SLC2A3: variants seen among roughly 807,000 people sequenced by gnomAD.
The protein encoded by SLC2A3 is solute carrier family 2 member 3.
Under a neutral mutation model 46.4 loss-of-function variants are expected in SLC2A3, and 21 were observed. The observed-to-expected ratio is 0.45, with a 90% CI of 0.32 to 0.65. SLC2A3 has a LOEUF of 0.65. Ranked by LOEUF, SLC2A3 falls within the 30% of genes least tolerant of loss-of-function variation. The pLI is 0.04. For synonymous variants in SLC2A3, 213 were observed against 239.4 expected (o/e 0.89, Z 1.02); for missense variants, 499 against 623.3 (o/e 0.80, Z 2.12).
In SLC2A3 at chr12:7,926,194, C is replaced by T. The variant is rs935509698; in HGVS notation, c.862-246G>A. ...GCTACCTCCACCTCCCAGATTCAAG[C>T]GATTCTCCTGCCTCAGCCTCCTGAG... is the stretch of plus-strand genomic sequence containing the variant. On this transcript the variant is annotated intron_variant, in intron 6 of 9. Transcript: ENST00000075120. Among the ~76,000 whole-genome samples the T allele has an allele frequency of 5.3e-5, 8 of 152,086 alleles. No homozygotes were observed. The East Asian group carries it at 5.8e-4, about 11-fold the overall frequency.
At chr12:7,933,488 G>A (rs796745195) in intron 2 of SLC2A3, 31 of 458,202 alleles carry the variant, frequency 6.8e-5, no homozygotes, top group Admixed American at 2.6e-4. Context: ...CCAGCGTTCC[G>A]GGAGTAAGTG....
intron 2 of SLC2A3, 96 bp from the exon 3 acceptor site, chr12:7,933,243 G>A (rs752282580): frequency 1.5e-6 from 2 of 1,341,096 alleles, no homozygotes; most frequent in Non-Finnish European, 2.1e-6. Context: ...AGAGAATCAA[G>A]GGAATAAATA....
chr12:7,923,193 G>A (rs1946056984), intron 8 of SLC2A3, 169 bp from the exon 9 acceptor site: 2 of 711,340 alleles, frequency 2.8e-6, no homozygotes, highest in South Asian at 2.0e-5. Flanking sequence ...TTTTGAGACA[G>A]GGTCTTACTC....
intron 9 of SLC2A3, among the ~76,000 whole-genome samples, chr12:7,922,485 G>A (rs1288792267): frequency 6.6e-6 from 1 of 152,214 alleles, no homozygotes; most frequent in South Asian, 2.1e-4. Flanking sequence ...TTTAGGGATG[G>A]AGTCTTGCTT....
rs1946026018 is a variant in SLC2A3 at position 7,920,538 on chromosome 12, A to G, written c.*875T>C. 1 of 152,144 alleles carries G rather than the reference A, an allele frequency of 6.6e-6. No homozygotes were observed. The allele number at this position is 152,144 out of a possible 1,614,324, so 9.4% of individuals were successfully genotyped here. On this transcript the variant is annotated 3_prime_UTR_variant, in exon 10 of 10. Coordinates refer to ENST00000075120, the MANE Select transcript of SLC2A3 (RefSeq NM_006931.3). ...CATGTAAACTATTATCTTAAAGAAA[A>G]AAGCTCCAAAGGAAATCAGTAGCTT...
rs1269936999 is a variant in SLC2A3, at chr12:7,929,719, G to A, written c.826C>T (p.Leu276Phe). ...CCAGAGAGCTGCTGAGAGAGCTGGA[G>A]CACAATGGAAATGATGATGGGCTGT... The part of the protein sequence containing the change: ...YRQPIIISIV[L>F]QLSQQLSGIN... Residue 276 changes from leucine to phenylalanine, a missense_variant, in exon 6 of 10, where the codon CTC becomes TTC. Physicochemically the swap from Leu to Phe is conservative, Grantham distance 22 (BLOSUM62 0). This residue lies in a region of SLC2A3 where 65 missense variants were observed against 88.4 expected (regional missense o/e 0.74). Transcript: ENST00000075120. The A allele has an allele frequency of 2.5e-6, 4 of 1,613,388 alleles. No individual in the cohort carries two copies. The highest frequency in any genetic ancestry group is 3.4e-6 in the Non-Finnish European group (4 of 1,179,582).
intron 7 of SLC2A3, 38 bp downstream of exon 7, chr12:7,925,803 ATTC>A (rs1221542966): frequency 6.9e-7 from 1 of 1,455,366 alleles, no homozygotes; most frequent in Non-Finnish European, 9.6e-7. Flanking sequence ...TGTAGCAAGG[ATTC>A]TTTTCTCCCC....
At chr12:7,925,357 G>T (rs1946083433) in intron 7 of SLC2A3, 1 of 153,306 alleles carries the variant, frequency 6.5e-6, no homozygotes. Context: ...CTGGCATCAG[G>T]AGTGGGGGGC....
chr12:7,921,152 CA>C lies in SLC2A3; in HGVS notation c.*260del. ...AAAAGCTGGCAAAGTTGTCATGTGC[CA>C]AGCGGCCAATCCCTCCTGAAATGAA... is the stretch of plus-strand genomic sequence containing the variant. On this transcript the variant is annotated 3_prime_UTR_variant, in exon 10 of 10. Transcript: ENST00000075120. 4.0e-6 allele frequency: 3 copies of C among 742,742 alleles called. No individual in the cohort carries two copies. The highest frequency in any genetic ancestry group is 3.1e-5 in the South Asian group (2 of 64,732). The allele number at this position is 742,742 out of a possible 1,614,324, so 46.0% of individuals were successfully genotyped here.
In SLC2A3 at chr12:7,929,649, T is replaced by G. The variant is rs376662813; in HGVS notation, c.861+35A>C. 2.0e-4 allele frequency: 317 copies of G among 1,591,018 alleles called. 2 individuals are homozygous for G. Among genetic ancestry groups the G allele is most frequent in the East Asian group, 4.0e-4 (17 of 42,980 alleles). ...TGCCCGGCATTTTAAGTGAAATACTTTAAGACACGTTTGACCCTAAAGTAT... is the reference window on the plus strand; with the variant it reads ...TGCCCGGCATTTTAAGTGAAATACTGTAAGACACGTTTGACCCTAAAGTAT... On this transcript the variant is annotated intron_variant, in intron 6 of 9. Coordinates refer to ENST00000075120, the MANE Select transcript of SLC2A3 (RefSeq NM_006931.3).
chr12:7,922,453 G>A (rs958304244), intron 9 of SLC2A3, among the ~76,000 whole-genome samples: 1 of 152,032 alleles, frequency 6.6e-6, no homozygotes, highest in Non-Finnish European at 1.5e-5. Flanking sequence ...GAAGAGGAGG[G>A]ACTGCTGTAT....
chr12:7,936,001 G>C lies in SLC2A3; in HGVS notation c.15+19C>G. On this transcript the variant is annotated intron_variant, in intron 1 of 9. Coordinates refer to ENST00000075120, the MANE Select transcript of SLC2A3 (RefSeq NM_006931.3). Reference sequence around the variant, plus strand: ...TATCCCAAACAAGCAAAAATAACCAGTAATTATATCATTCTTACCTTCTGT... The same window carrying C: ...TATCCCAAACAAGCAAAAATAACCACTAATTATATCATTCTTACCTTCTGT... 5.7e-6 allele frequency: 9 copies of C among 1,588,058 alleles called. No individual in the cohort carries two copies. The highest frequency in any genetic ancestry group is 6.9e-6 in the Non-Finnish European group (8 of 1,156,364).
At chr12:7,927,288 T>G (rs78630585) in intron 6 of SLC2A3, among the ~76,000 whole-genome samples, 3,671 of 152,194 alleles carry the variant, frequency 0.024, 148 homozygotes, top group African/African-American at 0.082. Context: ...TGTGGGGAAA[T>G]ATATTAGGCT....
At chr12:7,923,768 ATTTT>A (rs59914158) in intron 8 of SLC2A3, among the ~76,000 whole-genome samples, 5 of 135,662 alleles carry the variant, frequency 3.7e-5, no homozygotes, top group Admixed American at 7.5e-5. Flanking sequence ...CCAGGATTGG[ATTTT>A]TTTTTTTTTT....
intron 1 of SLC2A3, 116 bp downstream of exon 1, chr12:7,935,904 C>T: frequency 1.2e-6 from 1 of 864,816 alleles, no homozygotes; most frequent in Non-Finnish European, 2.0e-6. Flanking sequence ...AATGAAAAGG[C>T]CTTAAGATAG....
Position 7,930,461 on chromosome 12 carries a change from A to T in SLC2A3, c.673+19T>A. The T allele has an allele frequency of 3.1e-6, 5 of 1,607,464 alleles. No individual in the cohort carries two copies. Among genetic ancestry groups the T allele is most frequent in the Non-Finnish European group, 4.3e-6 (5 of 1,174,792 alleles). ...CCACAACCATATAATTCATGTAGTAAGGTGTGAAGGATACTCACTCTGCTT... is the reference window on the plus strand; with the variant it reads ...CCACAACCATATAATTCATGTAGTATGGTGTGAAGGATACTCACTCTGCTT... On this transcript the variant is annotated intron_variant, in intron 5 of 9. Coordinates refer to ENST00000075120, the MANE Select transcript of SLC2A3 (RefSeq NM_006931.3).
At position 7,923,034 on chromosome 12, in the gene SLC2A3, C is replaced by G. The variant is rs41438344; in HGVS notation, c.1069-10G>C. 0.017 allele frequency: 27,590 copies of G among 1,607,320 alleles called. 1,552 individuals are homozygous for G. In the East Asian group the frequency reaches 0.19, roughly 11 times the overall value. On this transcript the variant is annotated splice_polypyrimidine_tract_variant and intron_variant, in intron 8 of 9. Coordinates refer to ENST00000075120, the MANE Select transcript of SLC2A3 (RefSeq NM_006931.3). ...TCCCATTATAGTTATCCTGTAAGAGCAAGGAACAGAGAAAATTAAATTTAA... is the reference window on the plus strand; with the variant it reads ...TCCCATTATAGTTATCCTGTAAGAGGAAGGAACAGAGAAAATTAAATTTAA...
chr12:7,922,271 G>A (rs1413861011), intron 9 of SLC2A3, among the ~76,000 whole-genome samples: 2 of 152,074 alleles, frequency 1.3e-5, no homozygotes, highest in Non-Finnish European at 2.9e-5. Context: ...CACCATGATA[G>A]TCAGGTTGGT....
chr12:7,928,175 G>A (rs753712229), intron 6 of SLC2A3, among the ~76,000 whole-genome samples: 8 of 151,536 alleles, frequency 5.3e-5, no homozygotes, highest in East Asian at 2.0e-4. Context: ...CGTGGCAGGC[G>A]GATCATGAGG....
Sources: gnomAD v4.1 joint callset for allele counts (sites outside exome capture counted in the v4.1 genomes callset) on GRCh38, gnomAD v4.1.1 for gene constraint, gnomAD v4.1.1 regional missense constraint, MANE v1.5 for transcripts, NCBI Gene and HGNC (gene_info 2026-07-23, HGNC 2026-07-21) for gene names.